Variants in SESN1 observed in about 807,000 individuals in gnomAD.
The protein encoded by SESN1 is sestrin-1.
A neutral mutation model predicts 59.3 loss-of-function variants in SESN1; 30 were observed. The observed-to-expected ratio is 0.51, with a 90% CI of 0.38 to 0.69. SESN1 has a LOEUF of 0.69. SESN1 is among the 30% of genes least tolerant of loss of function. The pLI is 0.00. For synonymous variants in SESN1, 197 were observed against 219.9 expected (o/e 0.90, Z 0.92); for missense variants, 566 against 673.0 (o/e 0.84, Z 1.76).
In SESN1 at chr6:109,094,433, C is replaced by T. The variant is rs537209725; in HGVS notation, c.-360G>A. 90 of 244,468 alleles carry T rather than the reference C, an allele frequency of 3.7e-4. 1 individual carries two copies. The highest frequency in any genetic ancestry group is 5.9e-4 in the Non-Finnish European group (74 of 124,922). The allele number at this position is 244,468 out of a possible 1,614,324, so 15.1% of individuals were successfully genotyped here. The stretch of plus-strand genomic sequence containing the variant: ...GTGGAGCTGTCAAATCCGTGCTCTG[C>T]CCCAAAAGGCTGTTAACAGCTGAAC... On this transcript the variant is annotated 5_prime_UTR_variant, in exon 1 of 10. Coordinates refer to ENST00000436639, the MANE Select transcript of SESN1 (RefSeq NM_014454.3).
At position 109,038,979 on chromosome 6, in the gene SESN1, AAG is replaced by A. The variant is rs202173581; in HGVS notation, c.280-36638_280-36637del. 4.7e-3 allele frequency among the ~76,000 whole-genome samples: 719 copies of A among 151,394 alleles called. 3 individuals carry two copies. Among genetic ancestry groups the A allele is most frequent in the Middle Eastern group, 0.014 (4 of 292 alleles). On this transcript the variant is annotated intron_variant, in intron 1 of 9. Coordinates refer to ENST00000436639, the MANE Select transcript of SESN1 (RefSeq NM_014454.3). ...GAGAAGGGAGAAGAAGGAAAAGAAAAAGAAGAAGGAGGAGGAGGAGAAAAGAA... is the reference window on the plus strand; with the variant it reads ...GAGAAGGGAGAAGAAGGAAAAGAAAAAAGAAGGAGGAGGAGGAGAAAAGAA...
At chr6:109,080,823 T>G (rs769806815) in intron 1 of SESN1, among the ~76,000 whole-genome samples, 40 of 152,108 alleles carry the variant, frequency 2.6e-4, no homozygotes, top group Non-Finnish European at 2.8e-4. Context: ...CTCCAAAGTC[T>G]GAAACATTTT....
At chr6:109,051,163 C>CAA (rs199848413) in intron 1 of SESN1, among the ~76,000 whole-genome samples, 6 of 150,388 alleles carry the variant, frequency 4.0e-5, no homozygotes, top group South Asian at 4.2e-4. Context: ...AAAAAAACAA[C>CAA]AAAAAAAAAC....
intron 1 of SESN1, among the ~76,000 whole-genome samples, chr6:109,073,171 T>C (rs2114467889): frequency 6.6e-6 from 1 of 152,162 alleles, no homozygotes; most frequent in East Asian, 1.9e-4. Context: ...AGCCTCCTAT[T>C]AAATGGGTGA....
chr6:109,033,262 G>A (rs1780209994), intron 1 of SESN1, among the ~76,000 whole-genome samples: 2 of 152,142 alleles, frequency 1.3e-5, no homozygotes, highest in African/African-American at 4.8e-5. Flanking sequence ...AACCAGTGAT[G>A]CCAGTGGAAA....
chr6:108,994,467 G>A lies in SESN1; in HGVS notation c.1115C>T (p.Ser372Phe). ...IEKRESMFVF[S>F]SDDEEVTPAR... The stretch of plus-strand genomic sequence containing the variant: ...TATATAATGGTTGTTCTTACCTGAA[G>A]AGAAGACAAACATACTCTCTCTTTT... Residue 372 changes from serine to phenylalanine, a missense_variant, in exon 6 of 10, where the codon TCT becomes TTT. Transcript: ENST00000436639. 2 of 1,611,520 alleles carry A rather than the reference G, an allele frequency of 1.2e-6. No homozygotes were observed. Among genetic ancestry groups the A allele is most frequent in the Non-Finnish European group, 1.7e-6 (2 of 1,178,740 alleles).
At chr6:109,077,048 T>C (rs1704633708) in intron 1 of SESN1, among the ~76,000 whole-genome samples, 1 of 152,192 alleles carries the variant, frequency 6.6e-6, no homozygotes, top group Admixed American at 6.5e-5. Flanking sequence ...TTGTAGGCAG[T>C]TCTAACACAA....
intron 1 of SESN1, among the ~76,000 whole-genome samples, chr6:109,023,362 A>G (rs1780040358): frequency 6.6e-6 from 1 of 152,226 alleles, no homozygotes; most frequent in Non-Finnish European, 1.5e-5. Flanking sequence ...AAGTTTGTAA[A>G]TGTTATCATG....
At chr6:109,000,921 C>T (rs572838865) in intron 3 of SESN1, among the ~76,000 whole-genome samples, 1 of 152,174 alleles carries the variant, frequency 6.6e-6, no homozygotes, top group East Asian at 1.9e-4. Flanking sequence ...TATCTATATA[C>T]TTTCAGAACT....
chr6:109,053,646 T>A (rs1004830898), intron 1 of SESN1, among the ~76,000 whole-genome samples: 3 of 152,182 alleles, frequency 2.0e-5, no homozygotes, highest in African/African-American at 7.2e-5. Context: ...ATGGGCCACA[T>A]GAAGGACTCT....
chr6:109,090,345 C>T (rs1781291102), intron 1 of SESN1, among the ~76,000 whole-genome samples: 1 of 152,132 alleles, frequency 6.6e-6, no homozygotes, highest in South Asian at 2.1e-4. Flanking sequence ...ACACACTTGA[C>T]CCTTGAACAA....
chr6:109,055,478 T>C (rs1050283856), intron 1 of SESN1, among the ~76,000 whole-genome samples: 5 of 151,790 alleles, frequency 3.3e-5, no homozygotes, highest in African/African-American at 1.2e-4. Context: ...CCGGCCAAGA[T>C]GGTGAAACCC....
intron 1 of SESN1, among the ~76,000 whole-genome samples, chr6:109,043,030 G>GAATT (rs1232399838): frequency 3.3e-5 from 5 of 152,046 alleles, no homozygotes; most frequent in African/African-American, 1.2e-4. Flanking sequence ...GGAATGCATG[G>GAATT]CTGGTTCAAC....
chr6:109,019,552 C>T (rs1046309289), intron 1 of SESN1, among the ~76,000 whole-genome samples: 10 of 152,168 alleles, frequency 6.6e-5, no homozygotes, highest in African/African-American at 2.4e-4. Flanking sequence ...CATTATCAGT[C>T]CTTTCAGCCC....
intron 1 of SESN1, among the ~76,000 whole-genome samples, chr6:109,053,071 C>CGTGT (rs1236548483): frequency 6.6e-6 from 1 of 151,526 alleles, no homozygotes; most frequent in Non-Finnish European, 1.5e-5. Flanking sequence ...TGTGTGCGTG[C>CGTGT]GTGTGTGCAC....
intron 6 of SESN1, 81 bp downstream of exon 6, chr6:108,994,381 T>C (rs1779456067): frequency 3.4e-6 from 4 of 1,167,428 alleles, no homozygotes; most frequent in Non-Finnish European, 3.7e-6. Flanking sequence ...TTTAGATTGA[T>C]GCTTTAAAAG....
rs1781430537 is a variant in SESN1 at position 109,094,396 on chromosome 6, T to C, written c.-323A>G. The C allele has an allele frequency of 2.8e-6, 1 of 354,380 alleles. No homozygotes were observed. The highest frequency in any genetic ancestry group is 5.2e-6 in the Non-Finnish European group (1 of 192,016). The allele number at this position is 354,380 out of a possible 1,614,324, so 22.0% of individuals were successfully genotyped here. A position where few individuals can be genotyped will look rare whatever the true frequency, so the allele number is the denominator to read the frequency against. On this transcript the variant is annotated 5_prime_UTR_variant, in exon 1 of 10. It adds an upstream start codon to the 5' untranslated region. Coordinates refer to ENST00000436639, the MANE Select transcript of SESN1 (RefSeq NM_014454.3). ...TCCTCCGTCTCGCGGGGTCAGTGGA[T>C]ATCCTCACGTTGTGGAGCTGTCAAA... is the stretch of plus-strand genomic sequence containing the variant.
chr6:108,998,730 C>T lies in SESN1; in HGVS notation c.755G>A (p.Ser252Asn), dbSNP rs1779552341. The change falls in exon 5 of 10, where the codon AGC becomes AAC. Residue 252 changes from serine to asparagine, a missense_variant. Physicochemically the swap from Ser to Asn is conservative, Grantham distance 46 (BLOSUM62 1). Coordinates refer to ENST00000436639, the MANE Select transcript of SESN1 (RefSeq NM_014454.3). ...ATGTACCAATTCCGCAAGGGACCAG[C>T]TGTGCTCTTCAGCTTTTAAAAGTCC... is the stretch of plus-strand genomic sequence containing the variant. ...IEGLLKAEEH[S>N]WSLAELVHAV... 6.2e-7 allele frequency: 1 copy of T among 1,612,318 alleles called. No homozygotes were observed. Among genetic ancestry groups the T allele is most frequent in the South Asian group, 1.1e-5 (1 of 91,018 alleles).
chr6:109,009,566 G>C (rs941050113), intron 1 of SESN1: 1 of 1,108,988 alleles, frequency 9.0e-7, no homozygotes, highest in Non-Finnish European at 1.1e-6. Flanking sequence ...GGGGGGGCGG[G>C]GCGGCGCCGA....
Sources: allele counts gnomAD v4.1 joint callset (sites outside exome capture counted in the v4.1 genomes callset), GRCh38; gene constraint gnomAD v4.1.1; transcripts MANE v1.5; gene names NCBI Gene and HGNC (gene_info 2026-07-23, HGNC 2026-07-21).